Variants in EPHA3 observed in about 807,000 individuals in gnomAD.
EPHA3 encodes ephrin type-A receptor 3.
EPHA3 carries 42 observed loss-of-function variants against 107.1 expected under a neutral mutation model. The observed-to-expected ratio is 0.39, with a 90% CI of 0.31 to 0.51. EPHA3 has a LOEUF of 0.51. Among genes scored for constraint, EPHA3 ranks in the 20% least tolerant of loss-of-function variants. EPHA3 has a pLI of 0.78. For missense variants in EPHA3, 1,183 were observed against 1,211.2 expected (o/e 0.98, Z 0.35); for synonymous variants, 461 against 424.8 (o/e 1.09, Z -1.05).
chr3:89,451,885 G>A (rs1420881932), intron 15 of EPHA3, among the ~76,000 whole-genome samples: 2 of 140,660 alleles, frequency 1.4e-5, no homozygotes, highest in African/African-American at 6.3e-5. Flanking sequence ...CAGGGCGTGT[G>A]TGTGTGTGTG....
chr3:89,304,991 G>A (rs1706580141), intron 3 of EPHA3, among the ~76,000 whole-genome samples: 1 of 152,134 alleles, frequency 6.6e-6, no homozygotes, highest in African/African-American at 2.4e-5. Flanking sequence ...CTTTAGCCAT[G>A]CAATTAAAAG....
Position 89,208,430 on chromosome 3 carries a change from GAAAGA to G in EPHA3, c.154-1427_154-1423del, listed in dbSNP as rs1559600809. Among the ~76,000 whole-genome samples the G allele has an allele frequency of 1.4e-3, 121 of 88,838 alleles. 2 individuals are homozygous for G. The highest frequency in any genetic ancestry group is 5.7e-3 in the Middle Eastern group (1 of 174). 58.3% of individuals were successfully genotyped at this position (88,838 alleles called of 152,430 possible). ...AGGAAGGAAGGAAGGAAGGAAGAAA[GAAAGA>G]AAGAAAGAAAGAAAGAAAGAAAGAA... On this transcript the variant is annotated intron_variant, in intron 2 of 16. Coordinates refer to ENST00000336596, the MANE Select transcript of EPHA3 (RefSeq NM_005233.6).
chr3:89,399,747 A>C, intron 7 of EPHA3: 1 of 1,183,956 alleles, frequency 8.4e-7, no homozygotes, highest in South Asian at 3.9e-5. Context: ...TTAGCCATAA[A>C]TTGCTTTTGA....
intron 3 of EPHA3, among the ~76,000 whole-genome samples, chr3:89,256,019 A>T (rs1298821484): frequency 6.6e-6 from 1 of 152,128 alleles, no homozygotes; most frequent in Non-Finnish European, 1.5e-5. Context: ...CAAGGTCAGG[A>T]GTTCGAGACC....
chr3:89,407,845 G>A (rs561310690), intron 8 of EPHA3, among the ~76,000 whole-genome samples: 1 of 152,232 alleles, frequency 6.6e-6, no homozygotes, highest in South Asian at 2.1e-4. Flanking sequence ...CTGCACAGTG[G>A]GAAGCAACTC....
intron 2 of EPHA3, among the ~76,000 whole-genome samples, chr3:89,172,282 G>A (rs554729792): frequency 4.6e-5 from 7 of 152,198 alleles, no homozygotes; most frequent in African/African-American, 1.4e-4. Flanking sequence ...AGCTCATTGT[G>A]TGCCCAAACC....
rs59376338 is a variant in EPHA3, at chr3:89,316,477, ATG to A, written c.815-24413_815-24412del. On this transcript the variant is annotated intron_variant, in intron 3 of 16. Coordinates refer to ENST00000336596, the MANE Select transcript of EPHA3 (RefSeq NM_005233.6). Reference sequence around the variant, plus strand: ...CTTTCAGAGTATACACTGTATATATATGTGTGTGTGTGTGTGTGTGTGTGTGT... The same window carrying A: ...CTTTCAGAGTATACACTGTATATATATGTGTGTGTGTGTGTGTGTGTGTGT... Among the ~76,000 whole-genome samples, 287 of 130,624 alleles carry A rather than the reference ATG, an allele frequency of 2.2e-3. 1 individual carries two copies. The highest frequency in any genetic ancestry group is 8.2e-3 in the East Asian group (35 of 4,276). The allele number at this position is 130,624 out of a possible 152,430, so 85.7% of individuals were successfully genotyped here. A position where few individuals can be genotyped will look rare whatever the true frequency, so the allele number is the denominator to read the frequency against.
chr3:89,240,805 A>G (rs969157668), intron 3 of EPHA3, among the ~76,000 whole-genome samples: 1 of 152,062 alleles, frequency 6.6e-6, no homozygotes, highest in Non-Finnish European at 1.5e-5. Context: ...AGCACAACTG[A>G]TTTAGGTTAT....
intron 3 of EPHA3, among the ~76,000 whole-genome samples, chr3:89,310,415 G>A (rs1401610451): frequency 1.3e-5 from 2 of 151,598 alleles, no homozygotes; most frequent in Non-Finnish European, 2.9e-5. Flanking sequence ...GAATTTTTGG[G>A]GTATATCTTC....
At chr3:89,236,610 T>C (rs1361840149) in intron 3 of EPHA3, among the ~76,000 whole-genome samples, 20 of 146,370 alleles carry the variant, frequency 1.4e-4, no homozygotes, top group African/African-American at 3.0e-4. Context: ...AGGGATAGCA[T>C]TGGGAGATAT....
At position 89,387,749 on chromosome 3, in the gene EPHA3, G is replaced by A. The variant is rs1576351399; in HGVS notation, c.1307-8088G>A. ...GATTAATTGTTAAAATGAAATATAA[G>A]ATTTCATTTTGGTGAATTTATGCAA... On this transcript the variant is annotated intron_variant, in intron 5 of 16. Coordinates refer to ENST00000336596, the MANE Select transcript of EPHA3 (RefSeq NM_005233.6). Among the ~76,000 whole-genome samples, 3 of 151,798 alleles carry A rather than the reference G, an allele frequency of 2.0e-5. No homozygotes were observed. The South Asian group carries it at 6.2e-4, about 32-fold the overall frequency.
chr3:89,329,102 A>G (rs987314435), intron 3 of EPHA3, among the ~76,000 whole-genome samples: 5 of 152,172 alleles, frequency 3.3e-5, no homozygotes, highest in African/African-American at 1.2e-4. Context: ...AAGGCAATCA[A>G]TGAAATTCTA....
intron 12 of EPHA3, among the ~76,000 whole-genome samples, chr3:89,429,998 A>C (rs1295453959): frequency 2.0e-5 from 3 of 152,128 alleles, no homozygotes; most frequent in Non-Finnish European, 4.4e-5. Flanking sequence ...CCCTGACCTC[A>C]GATGATCCGC....
intron 3 of EPHA3, among the ~76,000 whole-genome samples, chr3:89,280,461 T>C (rs1030094300): frequency 1.3e-5 from 2 of 152,164 alleles, no homozygotes; most frequent in Non-Finnish European, 2.9e-5. Flanking sequence ...TTATACAGCT[T>C]ATACAAATCA....
chr3:89,262,944 G>C (rs1037136720), intron 3 of EPHA3, among the ~76,000 whole-genome samples: 1 of 149,504 alleles, frequency 6.7e-6, no homozygotes, highest in Non-Finnish European at 1.5e-5. Context: ...CGAAGTCCCC[G>C]AGGGCATGTT....
chr3:89,350,627 A>G (rs1178916608), intron 5 of EPHA3, among the ~76,000 whole-genome samples: 1 of 150,832 alleles, frequency 6.6e-6, no homozygotes, highest in Non-Finnish European at 1.5e-5. Context: ...CGTCAAAGTC[A>G]TTCTCCATCC....
chr3:89,216,866 T>A (rs1391173137), intron 3 of EPHA3, among the ~76,000 whole-genome samples: 2 of 152,152 alleles, frequency 1.3e-5, no homozygotes, highest in Non-Finnish European at 2.9e-5. Context: ...CCAGCTAATG[T>A]TTCATTTTCT....
intron 2 of EPHA3, among the ~76,000 whole-genome samples, chr3:89,208,474 G>GAAAGAAAGAGAA (rs1706178289): frequency 7.6e-6 from 1 of 131,724 alleles, no homozygotes; most frequent in African/African-American, 2.9e-5. Flanking sequence ...AAGAAAGAAA[G>GAAAGAAAGAGAA]AAAGAAAGAG....
intron 15 of EPHA3, among the ~76,000 whole-genome samples, chr3:89,467,472 G>A (rs1454303116): frequency 6.6e-6 from 1 of 152,106 alleles, no homozygotes; most frequent in Non-Finnish European, 1.5e-5. Context: ...GATATTTGAG[G>A]AGTAAATCTC....
Sources: allele counts gnomAD v4.1 joint callset (sites outside exome capture counted in the v4.1 genomes callset), GRCh38; gene constraint gnomAD v4.1.1; transcripts MANE v1.5; gene names NCBI Gene and HGNC (gene_info 2026-07-23, HGNC 2026-07-21).